LARP4B: variants seen among roughly 807,000 people sequenced by gnomAD.
The protein encoded by LARP4B is La ribonucleoprotein 4B.
LARP4B carries 12 observed loss-of-function variants against 89.8 expected under a neutral mutation model. The ratio of observed to expected loss-of-function variants is 0.13; its 90% CI spans 0.09 to 0.22. LARP4B has a LOEUF of 0.22. Among genes scored for constraint, LARP4B ranks in the 10% least tolerant of loss-of-function variants. The pLI is 1.00. For synonymous variants in LARP4B, 367 were observed against 363.3 expected (o/e 1.01, Z -0.12); for missense variants, 757 against 947.7 (o/e 0.80, Z 2.64).
chr10:946,844 C>G, the LARP4B span, among the ~76,000 whole-genome samples: 1 of 152,136 alleles, frequency 6.6e-6, no homozygotes, highest in African/African-American at 2.4e-5. Flanking sequence ...GCCATGAGAA[C>G]TTCCATACTT....
In LARP4B at chr10:905,166, A is replaced by G. The variant is rs74116959; in HGVS notation, c.-39-19406T>C. The stretch of plus-strand genomic sequence containing the variant: ...CAAGCATTTCAAATAAGGGATACTC[A>G]ATCTATAGTTATAAAAATGTCTTCC... On this transcript the variant is annotated intron_variant, in intron 1 of 17. Coordinates refer to ENST00000316157, the MANE Select transcript of LARP4B (RefSeq NM_015155.3). Among the ~76,000 whole-genome samples, 914 of 152,324 alleles carry G rather than the reference A, an allele frequency of 6.0e-3. 9 individuals carry two copies. Among genetic ancestry groups the G allele is most frequent in the African/African-American group, 0.021 (873 of 41,562 alleles).
intron 1 of LARP4B, among the ~76,000 whole-genome samples, chr10:907,086 T>C (rs1410060099): frequency 6.6e-6 from 1 of 152,206 alleles, no homozygotes; most frequent in Non-Finnish European, 1.5e-5. Context: ...TTCTATGTAC[T>C]CCTGCAAACC....
intron 2 of LARP4B, 74 bp from the exon 3 acceptor site, chr10:884,580 T>C: frequency 1.0e-6 from 1 of 998,994 alleles, no homozygotes; most frequent in Non-Finnish European, 1.6e-6. Context: ...ACCACAGTAA[T>C]TAGGCAAAAC....
At chr10:922,715 A>ATAAATAAATAAC (rs1270429612) in intron 1 of LARP4B, among the ~76,000 whole-genome samples, 3 of 144,628 alleles carry the variant, frequency 2.1e-5, no homozygotes, top group Non-Finnish European at 3.1e-5. Flanking sequence ...AAATAAATAA[A>ATAAATAAATAAC]TAACAAGTAT....
intron 5 of LARP4B, among the ~76,000 whole-genome samples, chr10:854,952 G>C (rs1376287252): frequency 6.6e-6 from 1 of 152,142 alleles, no homozygotes; most frequent in Non-Finnish European, 1.5e-5. Flanking sequence ...AGATCTTCTG[G>C]ATAACTTGCT....
chr10:899,658 T>C (rs1318357184), intron 1 of LARP4B, among the ~76,000 whole-genome samples: 1 of 152,248 alleles, frequency 6.6e-6, no homozygotes, highest in African/African-American at 2.4e-5. Context: ...CTAACTCTAA[T>C]TGTCTATGAT....
intron 3 of LARP4B, among the ~76,000 whole-genome samples, chr10:883,774 G>GA (rs201426995): frequency 3.4e-4 from 46 of 135,390 alleles, no homozygotes; most frequent in East Asian, 1.0e-3. Flanking sequence ...GTCTCTATTT[G>GA]AAAAAAAAAA....
At chr10:923,575 T>C (rs886652713) in intron 1 of LARP4B, among the ~76,000 whole-genome samples, 6 of 150,922 alleles carry the variant, frequency 4.0e-5, no homozygotes, top group Non-Finnish European at 7.4e-5. Flanking sequence ...AGGCAAAAAT[T>C]ACACAGACGA....
chr10:937,035 A>G, the LARP4B span, among the ~76,000 whole-genome samples: 2 of 152,132 alleles, frequency 1.3e-5, no homozygotes, highest in Non-Finnish European at 2.9e-5. Flanking sequence ...ATATATGAAG[A>G]AGAGATTTTT....
intron 1 of LARP4B, among the ~76,000 whole-genome samples, chr10:900,216 A>G (rs928113007): frequency 6.6e-6 from 1 of 152,030 alleles, no homozygotes; most frequent in African/African-American, 2.4e-5. Context: ...GAATGGTGGC[A>G]TGCGCCTGTA....
At position 812,881 on chromosome 10, in the gene LARP4B, T is replaced by G. The variant is rs746529293; in HGVS notation, c.*45A>C. ...GCACTGAGTGGGAGAGTGTCTCGTT[T>G]GTGGTTAACACAGCGCTCTGCGACC... On this transcript the variant is annotated 3_prime_UTR_variant, in exon 18 of 18. Coordinates refer to ENST00000316157, the MANE Select transcript of LARP4B (RefSeq NM_015155.3). 1.3e-6 allele frequency: 2 copies of G among 1,488,406 alleles called. No individual in the cohort carries two copies. Among genetic ancestry groups the G allele is most frequent in the Non-Finnish European group, 1.8e-6 (2 of 1,123,262 alleles). The allele number at this position is 1,488,406 out of a possible 1,614,324, so 92.2% of individuals were successfully genotyped here.
intron 5 of LARP4B, among the ~76,000 whole-genome samples, chr10:854,687 A>C (rs185886084): frequency 3.3e-3 from 505 of 152,280 alleles, no homozygotes; most frequent in Middle Eastern, 0.01. Context: ...CTTAAAGAAC[A>C]CAGGGAGAGC....
At chr10:908,683 G>A (rs751195276) in intron 1 of LARP4B, among the ~76,000 whole-genome samples, 2 of 152,252 alleles carry the variant, frequency 1.3e-5, no homozygotes, top group Non-Finnish European at 2.9e-5. Flanking sequence ...ATTCTTCTGG[G>A]TTGATTGTTG....
chr10:807,323 TAC>T (rs2131573760), downstream of LARP4B: 1 of 152,368 alleles, frequency 6.6e-6, no homozygotes, highest in East Asian at 1.9e-4. Context: ...AGTCTTTCTA[TAC>T]ACTCACATCC....
chr10:898,949 G>C (rs1836260867), intron 1 of LARP4B, among the ~76,000 whole-genome samples: 1 of 152,204 alleles, frequency 6.6e-6, no homozygotes, highest in South Asian at 2.1e-4. Flanking sequence ...ATCCCTGCAT[G>C]TGGGTGAATG....
At chr10:901,649 G>T (rs1309410821) in intron 1 of LARP4B, among the ~76,000 whole-genome samples, 2 of 152,106 alleles carry the variant, frequency 1.3e-5, no homozygotes, top group African/African-American at 4.8e-5. Flanking sequence ...GTCACTCAAA[G>T]ATACTGACGG....
chr10:903,137 G>C (rs1836389594), intron 1 of LARP4B: 1 of 152,224 alleles, frequency 6.6e-6, no homozygotes, highest in African/African-American at 2.4e-5. Flanking sequence ...GATGTGTGCT[G>C]GATGCCCAGG....
In LARP4B at chr10:846,959, G is replaced by A. The variant is rs55936095; in HGVS notation, c.431-1904C>T. Among the ~76,000 whole-genome samples, 477 of 152,290 alleles carry A rather than the reference G, an allele frequency of 3.1e-3. 5 individuals carry two copies. The highest frequency in any genetic ancestry group is 0.011 in the African/African-American group (462 of 41,554). Reference sequence around the variant, plus strand: ...CCAAGAGAATCATCCACTATAACATGACACAGTAGAGCCAGGTAAGTTAAG... The same window carrying A: ...CCAAGAGAATCATCCACTATAACATAACACAGTAGAGCCAGGTAAGTTAAG... On this transcript the variant is annotated intron_variant, in intron 5 of 17. Transcript: ENST00000316157.
In LARP4B at chr10:864,245, A is replaced by C. The variant is rs1834776214; in HGVS notation, c.167T>G (p.Leu56Arg). ...SQVPATKVSE[L>R]NPNAEVWGAP... ...CCCCCACACTTCTGCATTAGGGTTC[A>C]GCTCTGAAACCTTAGTTGCTGGTAC... The change falls in exon 4 of 18, where the codon CTG (leucine) becomes CGG (arginine). Residue 56 changes from leucine (L) to arginine (R), a missense_variant. Leu to Arg is a moderately radical substitution (Grantham distance 102). Coordinates refer to ENST00000316157, the MANE Select transcript of LARP4B (RefSeq NM_015155.3). 3.1e-6 allele frequency: 5 copies of C among 1,614,070 alleles called. No individual in the cohort carries two copies. The highest frequency in any genetic ancestry group is 4.2e-6 in the Non-Finnish European group (5 of 1,180,028).
Sources: gnomAD v4.1 joint callset for allele counts (sites outside exome capture counted in the v4.1 genomes callset) on GRCh38, gnomAD v4.1.1 for gene constraint, MANE v1.5 for transcripts, NCBI Gene and HGNC (gene_info 2026-07-23, HGNC 2026-07-21) for gene names.